HSP90AA1: variants seen among roughly 807,000 people sequenced by gnomAD.
HSP90AA1 encodes heat shock protein 90 alpha family class A member 1, also known as heat shock protein HSP 90-alpha.
A neutral mutation model predicts 73.3 loss-of-function variants in HSP90AA1; 18 were observed. That is an observed-to-expected ratio of 0.25 (90% CI 0.17 to 0.36). The LOEUF is 0.36. Ranked by LOEUF, HSP90AA1 falls within the 10% of genes least tolerant of loss-of-function variation. The pLI is 1.00. For synonymous variants in HSP90AA1, 477 were observed against 296.9 expected, an observed-to-expected ratio of 1.61 and a Z score of -6.24; for missense variants, 704 against 874.2, an observed-to-expected ratio of 0.81 and a Z score of 2.45.
At chr14:102,133,005 C>T (rs1206796253) in intron 1 of HSP90AA1, among the ~76,000 whole-genome samples, 1 of 151,122 alleles carries the variant, frequency 6.6e-6, no homozygotes, top group Non-Finnish European at 1.5e-5. Flanking sequence ...GCGGGCTGGG[C>T]GCAGTGGCTC....
At chr14:102,086,761 G>A (rs1325532512) in intron 1 of HSP90AA1, among the ~76,000 whole-genome samples, 6 of 151,542 alleles carry the variant, frequency 4.0e-5, no homozygotes, top group Non-Finnish European at 8.9e-5. Context: ...CTCTGGCGCT[G>A]CTGCAGAGCC....
At position 102,082,464 on chromosome 14, in the gene HSP90AA1, A is replaced by C; in HGVS notation, c.1756-20T>G. 1.3e-6 allele frequency: 2 copies of C among 1,578,426 alleles called. No individual in the cohort carries two copies. Among genetic ancestry groups the C allele is most frequent in the Non-Finnish European group, 1.7e-6 (2 of 1,153,074 alleles). ...AACCACCTGTAATCAAAAAGTGATGACTAGGAACCTAGAAAGATTAATTCC... is the reference window on the plus strand; with the variant it reads ...AACCACCTGTAATCAAAAAGTGATGCCTAGGAACCTAGAAAGATTAATTCC... On this transcript the variant is annotated intron_variant, in intron 9 of 10. Coordinates refer to ENST00000216281, the MANE Select transcript of HSP90AA1 (RefSeq NM_005348.4).
intron 2 of HSP90AA1, among the ~76,000 whole-genome samples, chr14:102,100,549 C>G (rs745860153): frequency 2.6e-5 from 4 of 152,082 alleles, no homozygotes; most frequent in Non-Finnish European, 5.9e-5. Flanking sequence ...CCTCAGCATC[C>G]CGAGTAGTTG....
chr14:102,086,743 G>C (rs1290256282), intron 1 of HSP90AA1, among the ~76,000 whole-genome samples: 1 of 151,270 alleles, frequency 6.6e-6, no homozygotes, highest in Non-Finnish European at 1.5e-5. Flanking sequence ...GTTCGCGTGC[G>C]GCGCCAGCTC....
intron 1 of HSP90AA1, among the ~76,000 whole-genome samples, chr14:102,103,809 CAA>C (rs200871890): frequency 1.9e-5 from 2 of 106,796 alleles, no homozygotes; most frequent in Non-Finnish European, 2.1e-5. Context: ...CGTCTCAAAA[CAA>C]AAAAAAAAAA....
At chr14:102,113,515 G>C (rs888502514) in intron 1 of HSP90AA1, among the ~76,000 whole-genome samples, 7 of 151,658 alleles carry the variant, frequency 4.6e-5, no homozygotes, top group African/African-American at 1.5e-4. Flanking sequence ...CGAGTAGCTG[G>C]GATTACAGGT....
intron 2 of HSP90AA1, among the ~76,000 whole-genome samples, chr14:102,096,377 C>T (rs887872120): frequency 4.6e-5 from 7 of 152,180 alleles, no homozygotes; most frequent in Admixed American, 3.9e-4. Context: ...ACTCAGGGCC[C>T]CTCAGATTCA....
intron 2 of HSP90AA1, among the ~76,000 whole-genome samples, chr14:102,092,066 G>T (rs1016722228): frequency 2.7e-4 from 40 of 149,784 alleles, no homozygotes; most frequent in Non-Finnish European, 5.9e-5. Flanking sequence ...GATTTTTTTT[G>T]TTACTGATTT....
chr14:102,139,143 A>C (rs556102746), intron 1 of HSP90AA1: 16 of 1,339,250 alleles, frequency 1.2e-5, no homozygotes, highest in Admixed American at 9.6e-5. Flanking sequence ...ACACGCAGGA[A>C]TTAGGATATC....
At chr14:102,134,345 A>T (rs1566738561) in intron 1 of HSP90AA1, among the ~76,000 whole-genome samples, 17 of 132,822 alleles carry the variant, frequency 1.3e-4, no homozygotes, top group Non-Finnish European at 2.8e-4. Context: ...AAAAAAAAAA[A>T]GGATGACAGT....
chr14:102,122,440 C>G (rs1428147309), intron 1 of HSP90AA1, among the ~76,000 whole-genome samples: 1 of 151,708 alleles, frequency 6.6e-6, no homozygotes, highest in African/African-American at 2.4e-5. Flanking sequence ...ACAACCACAC[C>G]CGGCTAATTT....
Position 102,082,551 on chromosome 14 carries a change from C to T in HSP90AA1, c.1756-107G>A, listed in dbSNP as rs556340422. On this transcript the variant is annotated intron_variant, in intron 9 of 10. Transcript: ENST00000216281. The stretch of plus-strand genomic sequence containing the variant: ...AATTTCAATAGATCCAAAATACTAT[C>T]TACTGTCAAATACAACTTAAATGTC... 13 of 809,668 alleles carry T rather than the reference C, an allele frequency of 1.6e-5. No individual in the cohort carries two copies. In the South Asian group the frequency reaches 1.9e-4, roughly 12 times the overall value. The allele number at this position is 809,668 out of a possible 1,614,324, so 50.2% of individuals were successfully genotyped here.
intron 5 of HSP90AA1, 58 bp from the exon 6 acceptor site, chr14:102,084,622 G>A (rs1446619500): frequency 6.2e-7 from 1 of 1,614,052 alleles, no homozygotes; most frequent in Non-Finnish European, 8.5e-7. Context: ...AAGATATTTG[G>A]GGTGGTGGAG....
chr14:102,089,747 T>C (rs1189325195), upstream of HSP90AA1, among the ~76,000 whole-genome samples: 1 of 152,184 alleles, frequency 6.6e-6, no homozygotes, highest in Non-Finnish European at 1.5e-5. Context: ...TCACTGACTA[T>C]CCCACCTTAA....
intron 2 of HSP90AA1, among the ~76,000 whole-genome samples, chr14:102,096,512 C>T (rs538096689): frequency 1.6e-4 from 25 of 152,348 alleles, no homozygotes; most frequent in African/African-American, 4.8e-4. Flanking sequence ...TTGCGATGCC[C>T]TTCTCCAGGC....
At position 102,126,931 on chromosome 14, in the gene HSP90AA1, G is replaced by C. The variant is rs561567303; in HGVS notation, c.155+12319C>G. ...AAATGAATCTTACTTCCTGCCACAG[G>C]CCCCAGCTACTACTTTACAGCAATC... is the stretch of plus-strand genomic sequence containing the variant. On this transcript the variant is annotated intron_variant, in intron 1 of 11. Coordinates refer to the HSP90AA1 transcript ENST00000334701. Among the ~76,000 whole-genome samples, 9 of 152,110 alleles carry C rather than the reference G, an allele frequency of 5.9e-5. No individual in the cohort carries two copies. In the South Asian group the frequency reaches 6.2e-4, roughly 11 times the overall value.
intron 1 of HSP90AA1, among the ~76,000 whole-genome samples, chr14:102,120,292 G>A (rs1237679448): frequency 6.6e-6 from 1 of 152,148 alleles, no homozygotes; most frequent in Non-Finnish European, 1.5e-5. Flanking sequence ...TTGGGAGGAT[G>A]AGGGTACAGT....
rs893325274 is a variant in HSP90AA1 at position 102,087,007 on chromosome 14, G to A, written c.-22C>T. 9.1e-6 allele frequency: 9 copies of A among 985,200 alleles called. No individual in the cohort carries two copies. Among genetic ancestry groups the A allele is most frequent in the African/African-American group, 7.0e-5 (4 of 57,140 alleles). 61.0% of individuals were successfully genotyped at this position (985,200 alleles called of 1,614,324 possible). ...TCACCTTGGCTAAGTGACCGCACAG[G>A]ACCAACGGCACAGCCACACCGGGAC... On this transcript the variant is annotated 5_prime_UTR_variant, in exon 1 of 11. Coordinates refer to ENST00000216281, the MANE Select transcript of HSP90AA1 (RefSeq NM_005348.4).
chr14:102,121,156 C>A (rs377629825), intron 1 of HSP90AA1, among the ~76,000 whole-genome samples: 1 of 151,998 alleles, frequency 6.6e-6, no homozygotes. Flanking sequence ...CCTGCCTCAG[C>A]CTTCCAAAGT....
Sources: allele counts gnomAD v4.1 joint callset (sites outside exome capture counted in the v4.1 genomes callset), GRCh38; gene constraint gnomAD v4.1.1; transcripts MANE v1.5; gene names NCBI Gene and HGNC (gene_info 2026-07-23, HGNC 2026-07-21).